WDR59: variants seen among roughly 807,000 people sequenced by gnomAD.
WDR59 encodes GATOR2 complex protein WDR59.
WDR59 carries 100 observed loss-of-function variants against 131.2 expected under a neutral mutation model. The ratio of observed to expected loss-of-function variants is 0.76; its 90% CI spans 0.65 to 0.90. The LOEUF is 0.90. Ranked by LOEUF, WDR59 falls within the 40% of genes least tolerant of loss-of-function variation. The pLI is 0.00. For synonymous variants in WDR59, 601 were observed against 466.2 expected (o/e 1.29, Z -3.72); for missense variants, 1,203 against 1,262.2 (o/e 0.95, Z 0.71).
At chr16:74,905,840 T>C (rs1965781045) in intron 17 of WDR59, among the ~76,000 whole-genome samples, 2 of 151,888 alleles carry the variant, frequency 1.3e-5, no homozygotes, top group African/African-American at 2.4e-5. Flanking sequence ...AATCAATACA[T>C]ACATCTAGCA....
chr16:74,960,256 A>T (rs887134185), intron 2 of WDR59, among the ~76,000 whole-genome samples: 2 of 151,914 alleles, frequency 1.3e-5, no homozygotes, highest in Non-Finnish European at 2.9e-5. Context: ...GCTTGAACCC[A>T]GGAGGCAGAG....
chr16:74,886,463 T>C, intron 23 of WDR59, 67 bp from the exon 24 acceptor site: 1 of 1,569,862 alleles, frequency 6.4e-7, no homozygotes, highest in Non-Finnish European at 8.6e-7. Flanking sequence ...CTGAAGAGTC[T>C]CATAAGACAG....
chr16:74,904,937 A>T (rs532207120), intron 17 of WDR59, among the ~76,000 whole-genome samples: 15 of 152,340 alleles, frequency 9.8e-5, no homozygotes, highest in Admixed American at 9.1e-4. Flanking sequence ...TAGAACAACT[A>T]TTTTTCTCTA....
intron 18 of WDR59, among the ~76,000 whole-genome samples, chr16:74,895,796 C>G (rs915972586): frequency 6.6e-6 from 1 of 152,210 alleles, no homozygotes; most frequent in Non-Finnish European, 1.5e-5. Flanking sequence ...AGCAAATAAC[C>G]TGTCAGAATG....
Position 74,871,854 on chromosome 16 carries a change from GCTACT to G in WDR59, c.*2350_*2354del. 1 of 152,242 alleles carries G rather than the reference GCTACT, an allele frequency of 6.6e-6. No homozygotes were observed. The highest frequency in any genetic ancestry group is 1.5e-5 in the Non-Finnish European group (1 of 68,068). 9.4% of individuals were successfully genotyped at this position (152,242 alleles called of 1,614,324 possible). ...CCAGCGGCTCCCCCGCCCTGCTCAC[GCTACT>G]GAGACACTGGCACCTTACCTCAGAC... On this transcript the variant is annotated 3_prime_UTR_variant, in exon 26 of 26. Coordinates refer to ENST00000262144, the MANE Select transcript of WDR59 (RefSeq NM_030581.4).
chr16:74,927,426 A>G (rs2030924096), intron 8 of WDR59, among the ~76,000 whole-genome samples: 1 of 151,938 alleles, frequency 6.6e-6, no homozygotes, highest in Non-Finnish European at 1.5e-5. Context: ...CAACTCTACT[A>G]AAAATACACA....
chr16:74,931,020 T>C (rs1014283783), intron 8 of WDR59, among the ~76,000 whole-genome samples: 2 of 151,784 alleles, frequency 1.3e-5, no homozygotes, highest in Non-Finnish European at 2.9e-5. Flanking sequence ...AATGTTCTAA[T>C]GAAGATGAAT....
intron 23 of WDR59, among the ~76,000 whole-genome samples, chr16:74,887,163 C>T (rs1964808981): frequency 6.6e-6 from 1 of 152,170 alleles, no homozygotes; most frequent in Non-Finnish European, 1.5e-5. Flanking sequence ...CAATTTTCTT[C>T]TCTAATACTT....
chr16:74,976,403 T>C (rs2034181485), intron 1 of WDR59, among the ~76,000 whole-genome samples: 1 of 152,004 alleles, frequency 6.6e-6, no homozygotes, highest in Non-Finnish European at 1.5e-5. Context: ...GGAATTTCTT[T>C]ATGAATCTAG....
At chr16:74,887,846 G>T in intron 22 of WDR59, 91 bp from the exon 23 acceptor site, 1 of 1,297,210 alleles carries the variant, frequency 7.7e-7, no homozygotes, top group Non-Finnish European at 1.1e-6. Flanking sequence ...GGCCAAGCAC[G>T]GTGGCTCATG....
At chr16:74,973,635 A>T (rs1415756341) in intron 1 of WDR59, among the ~76,000 whole-genome samples, 1 of 152,142 alleles carries the variant, frequency 6.6e-6, no homozygotes, top group Non-Finnish European at 1.5e-5. Context: ...CACGTTACCT[A>T]TCGGAGACTC....
chr16:74,979,080 G>C (rs1291041939), intron 1 of WDR59: 2 of 152,054 alleles, frequency 1.3e-5, no homozygotes, highest in Non-Finnish European at 2.9e-5. Context: ...CAATATCATA[G>C]CCATTAGCCA....
rs1277331918 is a variant in WDR59, at chr16:74,873,009, A to G, written c.*1200T>C. On this transcript the variant is annotated 3_prime_UTR_variant, in exon 26 of 26. Transcript: ENST00000262144. The stretch of plus-strand genomic sequence containing the variant: ...GCTGCAACCTCTGCTTCCCAAGTTC[A>G]AGCGATTCTCCTGTCTCAGCCTCCC... 1 of 152,018 alleles carries G rather than the reference A, an allele frequency of 6.6e-6. No homozygotes were observed. Among genetic ancestry groups the G allele is most frequent in the African/African-American group, 2.4e-5 (1 of 41,362 alleles). The allele number at this position is 152,018 out of a possible 1,614,324, so 9.4% of individuals were successfully genotyped here. A position where few individuals can be genotyped will look rare whatever the true frequency, so the allele number is the denominator to read the frequency against.
intron 1 of WDR59, among the ~76,000 whole-genome samples, chr16:74,974,546 G>T (rs11860997): frequency 2.0e-5 from 3 of 152,074 alleles, no homozygotes; most frequent in African/African-American, 7.3e-5. Context: ...ATCCTTGCGA[G>T]GCCTGCTTGC....
At position 74,873,902 on chromosome 16, in the gene WDR59, G is replaced by A. The variant is rs1363645970; in HGVS notation, c.*307C>T. On this transcript the variant is annotated 3_prime_UTR_variant, in exon 26 of 26. Coordinates refer to ENST00000262144, the MANE Select transcript of WDR59 (RefSeq NM_030581.4). The stretch of plus-strand genomic sequence containing the variant: ...CCTTACAGGGTAACACTGTAACACT[G>A]GCCCTGGAGCCAGGTGCTTTTCTCC... 13 of 372,084 alleles carry A rather than the reference G, an allele frequency of 3.5e-5. No individual in the cohort carries two copies. The highest frequency in any genetic ancestry group is 6.0e-5 in the Non-Finnish European group (12 of 198,410). The allele number at this position is 372,084 out of a possible 1,614,324, so 23.0% of individuals were successfully genotyped here.
At chr16:74,926,072 T>TC (rs2030774491) in intron 8 of WDR59, among the ~76,000 whole-genome samples, 1 of 151,456 alleles carries the variant, frequency 6.6e-6, no homozygotes, top group Admixed American at 6.6e-5. Flanking sequence ...TTTTTTTTTT[T>TC]TTTTGAGAGG....
At chr16:74,956,731 C>A (rs905129407) in intron 2 of WDR59, 121 bp from the exon 3 acceptor site, 3 of 1,244,680 alleles carry the variant, frequency 2.4e-6, no homozygotes, top group Admixed American at 4.4e-5. Context: ...CCCAAACACA[C>A]ATGGCATTTA....
rs1027507695 is a variant in WDR59 at position 74,981,037 on chromosome 16, G to C, written c.54+3927C>G. On this transcript the variant is annotated intron_variant, in intron 1 of 25. Transcript: ENST00000262144. ...CAGCTCAGGAGTTCAAGACCAGCCT[G>C]AACAAGAACGTAAAGCCCCATCTCT... 2.0e-5 allele frequency among the ~76,000 whole-genome samples: 3 copies of C among 147,822 alleles called. 1 individual carries two copies. The highest frequency in any genetic ancestry group is 4.5e-5 in the Non-Finnish European group (3 of 67,402).
intron 10 of WDR59, among the ~76,000 whole-genome samples, chr16:74,919,119 G>A (rs759416984): frequency 9.9e-5 from 15 of 151,854 alleles, no homozygotes; most frequent in Non-Finnish European, 2.2e-4. Flanking sequence ...TGCCTCCCCC[G>A]CTGGTCCCAA....
Sources: allele counts gnomAD v4.1 joint callset (sites outside exome capture counted in the v4.1 genomes callset), GRCh38; gene constraint gnomAD v4.1.1; transcripts MANE v1.5; gene names NCBI Gene and HGNC (gene_info 2026-07-23, HGNC 2026-07-21).